SLC14A2: variants seen among roughly 807,000 people sequenced by gnomAD.
SLC14A2 encodes solute carrier family 14 member 2.
SLC14A2 carries 91 observed loss-of-function variants against 104.6 expected under a neutral mutation model. The observed-to-expected ratio is 0.87, with a 90% confidence interval of 0.73 to 1.04. The LOEUF is 1.04. Among genes scored for constraint, SLC14A2 ranks in the 50% least tolerant of loss-of-function variants. SLC14A2 has a pLI of 0.00. For missense variants in SLC14A2, 1,189 were observed against 1,156.0 expected (o/e 1.03, Z -0.41); for synonymous variants, 476 against 466.4 (o/e 1.02, Z -0.27).
chr18:45,554,908 A>G (rs771504387), intron 2 of SLC14A2, among the ~76,000 whole-genome samples: 1 of 152,202 alleles, frequency 6.6e-6, no homozygotes, highest in Non-Finnish European at 1.5e-5. Flanking sequence ...TTTGTCTGTA[A>G]TGTGGGATTT....
intron 1 of SLC14A2, among the ~76,000 whole-genome samples, chr18:45,304,825 A>C (rs910218894): frequency 1.3e-5 from 2 of 152,238 alleles, no homozygotes; most frequent in Non-Finnish European, 2.9e-5. Context: ...CAGAGGCCCA[A>C]GAAGTTCATG....
At chr18:45,528,771 A>G (rs1328486973) in intron 2 of SLC14A2, 1 of 152,262 alleles carries the variant, frequency 6.6e-6, no homozygotes, top group Non-Finnish European at 1.5e-5. Context: ...ATAGCACCCA[A>G]GGATGGCTGC....
At chr18:45,340,008 A>C (rs1393389001) in intron 1 of SLC14A2, among the ~76,000 whole-genome samples, 1 of 152,244 alleles carries the variant, frequency 6.6e-6, no homozygotes, top group Non-Finnish European at 1.5e-5. Flanking sequence ...TCCATCAGAT[A>C]TTAGAGCATA....
chr18:45,639,649 C>T (rs905626151), intron 6 of SLC14A2, 97 bp from the exon 7 acceptor site: 8 of 1,216,986 alleles, frequency 6.6e-6, no homozygotes, highest in Non-Finnish European at 9.4e-6. Context: ...CCGTTCCACT[C>T]CATTACTCCC....
chr18:45,336,418 A>G (rs937330957), intron 1 of SLC14A2, among the ~76,000 whole-genome samples: 4 of 152,018 alleles, frequency 2.6e-5, no homozygotes, highest in Non-Finnish European at 5.9e-5. Context: ...ACTGGGCAGG[A>G]GGCTGGGCCA....
intron 4 of SLC14A2, among the ~76,000 whole-genome samples, chr18:45,628,002 AAAAAAAAAAAAAAAAAAAG>A (rs2045287069): frequency 1.0e-5 from 1 of 97,924 alleles, no homozygotes. Flanking sequence ...GACTTTCTCA[AAAAAAAAAAAAAAAAAAAG>A]AAAAGAAAAA....
chr18:45,410,554 G>A (rs892445790), intron 1 of SLC14A2, among the ~76,000 whole-genome samples: 2 of 151,954 alleles, frequency 1.3e-5, no homozygotes, highest in Non-Finnish European at 2.9e-5. Context: ...TGTTTATTGG[G>A]CACTCACTAC....
At chr18:45,253,104 A>G (rs1383980156) in intron 1 of SLC14A2, among the ~76,000 whole-genome samples, 2 of 152,198 alleles carry the variant, frequency 1.3e-5, no homozygotes, top group Admixed American at 6.5e-5. Context: ...CGAATCACCC[A>G]GAGGATATGT....
intron 2 of SLC14A2, among the ~76,000 whole-genome samples, chr18:45,498,762 T>G (rs1475007841): frequency 6.6e-6 from 1 of 152,216 alleles, no homozygotes; most frequent in Non-Finnish European, 1.5e-5. Flanking sequence ...GAACTTTCCT[T>G]GGTCCTGCTT....
intron 1 of SLC14A2, among the ~76,000 whole-genome samples, chr18:45,248,279 C>G (rs1252015178): frequency 1.3e-5 from 2 of 152,000 alleles, no homozygotes; most frequent in Non-Finnish European, 2.9e-5. Flanking sequence ...ATTGTCAAAC[C>G]CATTTTATCG....
At chr18:45,421,673 C>G (rs1485726936) in intron 1 of SLC14A2, among the ~76,000 whole-genome samples, 2 of 152,196 alleles carry the variant, frequency 1.3e-5, no homozygotes, top group Admixed American at 1.3e-4. Context: ...AATGAATGCA[C>G]TGGCCATGCA....
At chr18:45,540,448 A>G (rs2043868569) in intron 2 of SLC14A2, among the ~76,000 whole-genome samples, 1 of 152,072 alleles carries the variant, frequency 6.6e-6, no homozygotes, top group Non-Finnish European at 1.5e-5. Flanking sequence ...AGGCTTTATC[A>G]TCTTCCAGAG....
At chr18:45,544,022 C>T (rs1045798474) in intron 2 of SLC14A2, among the ~76,000 whole-genome samples, 5 of 152,188 alleles carry the variant, frequency 3.3e-5, no homozygotes, top group Non-Finnish European at 7.3e-5. Context: ...CAATGTTGGA[C>T]GAATTAAGCA....
chr18:45,233,974 A>G (rs1042979997), intron 1 of SLC14A2, among the ~76,000 whole-genome samples: 2 of 152,100 alleles, frequency 1.3e-5, no homozygotes, highest in African/African-American at 4.8e-5. Flanking sequence ...CAAGCTTAAT[A>G]ATAGATAAAG....
At chr18:45,457,806 A>C (rs2144630756) in intron 1 of SLC14A2, among the ~76,000 whole-genome samples, 1 of 152,048 alleles carries the variant, frequency 6.6e-6, no homozygotes, top group Non-Finnish European at 1.5e-5. Context: ...GCAGGTCACT[A>C]CCTAATTGTG....
Position 45,247,476 on chromosome 18 carries a change from A to G in SLC14A2, c.-125+34285A>G, listed in dbSNP as rs138288622. On this transcript the variant is annotated intron_variant, in intron 1 of 20. Coordinates refer to the SLC14A2 transcript ENST00000586448. Reference sequence around the variant, plus strand: ...GCCTCAGTTACTTATCTGTATTCAGATTTAGATGTGGGAGAGAGATTTGTT... The same window carrying G: ...GCCTCAGTTACTTATCTGTATTCAGGTTTAGATGTGGGAGAGAGATTTGTT... Among the ~76,000 whole-genome samples, 1,384 of 152,302 alleles carry G rather than the reference A, an allele frequency of 9.1e-3. 12 individuals carry two copies. Among genetic ancestry groups the G allele is most frequent in the Middle Eastern group, 0.037 (11 of 294 alleles).
chr18:45,331,202 G>A (rs533449867), intron 1 of SLC14A2, among the ~76,000 whole-genome samples: 2 of 152,186 alleles, frequency 1.3e-5, no homozygotes, highest in South Asian at 4.2e-4. Context: ...AACTCCCTTT[G>A]TCTTCAGATT....
At chr18:45,407,724 T>G (rs1237528716) in intron 1 of SLC14A2, among the ~76,000 whole-genome samples, 1 of 152,158 alleles carries the variant, frequency 6.6e-6, no homozygotes, top group Non-Finnish European at 1.5e-5. Context: ...ATTTCAATAC[T>G]GTTGTATCTC....
chr18:45,642,725 A>T (rs1051573137), intron 8 of SLC14A2, among the ~76,000 whole-genome samples: 1 of 152,020 alleles, frequency 6.6e-6, no homozygotes, highest in East Asian at 1.9e-4. Context: ...AGTCTTGAAT[A>T]GGAGGGACCT....
Sources: allele counts gnomAD v4.1 joint callset (sites outside exome capture counted in the v4.1 genomes callset), GRCh38; gene constraint gnomAD v4.1.1; transcripts MANE v1.5; gene names NCBI Gene and HGNC (gene_info 2026-07-23, HGNC 2026-07-21).